CRIP3: variants seen among roughly 807,000 people sequenced by gnomAD.
CRIP3 encodes the protein cysteine rich protein 3.
CRIP3 carries 23 observed loss-of-function variants against 30.3 expected under a neutral mutation model. That is an observed-to-expected ratio of 0.76 (90% CI 0.55 to 1.08). The LOEUF is 1.08. Ranked by LOEUF, CRIP3 falls within the 50% of genes least tolerant of loss-of-function variation. The probability of loss-of-function intolerance (pLI) is 0.00; values close to 1 mark genes in which losing one functional copy is unlikely to be tolerated. For synonymous variants in CRIP3, 89 were observed against 97.6 expected, an observed-to-expected ratio of 0.91 and a Z score of 0.52; for missense variants, 261 against 259.3, an observed-to-expected ratio of 1.01 and a Z score of -0.04.
chr6:43,308,726 C>T, intron 1 of CRIP3, 24 bp downstream of exon 1: 1 of 1,613,896 alleles, frequency 6.2e-7, no homozygotes, highest in African/African-American at 1.3e-5. Flanking sequence ...CCCATCTTCT[C>T]CCCCTCCGCA....
intron 1 of CRIP3, 40 bp downstream of exon 1, chr6:43,308,710 A>C (rs1401455035): frequency 1.2e-6 from 2 of 1,613,078 alleles, no homozygotes; most frequent in Non-Finnish European, 1.7e-6. Flanking sequence ...AGCGGCTCCC[A>C]TTCGCCCCAT....
At position 43,308,716 on chromosome 6, in the gene CRIP3, C is replaced by T. The variant is rs1363719172; in HGVS notation, c.43+34G>A. 2.5e-6 allele frequency: 4 copies of T among 1,613,718 alleles called. No homozygotes were observed. In the South Asian group the frequency reaches 4.4e-5, roughly 18 times the overall value. On this transcript the variant is annotated intron_variant, in intron 1 of 7. Transcript: ENST00000372569. ...AGGGAATCCAGCGGCTCCCATTCGC[C>T]CCATCTTCTCCCCCTCCGCAGCCCG...
At chr6:43,308,670 T>TG in intron 1 of CRIP3, 80 bp downstream of exon 1, 1 of 1,555,660 alleles carries the variant, frequency 6.4e-7, no homozygotes, top group Non-Finnish European at 8.9e-7. Context: ...GACTACACTG[T>TG]GGCTAGCCCT....
chr6:43,307,994 T>G, intron 2 of CRIP3, 98 bp from the exon 3 acceptor site: 2 of 1,294,890 alleles, frequency 1.5e-6, no homozygotes, highest in Non-Finnish European at 2.2e-6. Flanking sequence ...GTCTGTCCAC[T>G]GGCTGAGTCT....
rs752870235 is a variant in CRIP3 at position 43,306,208 on chromosome 6, G to A, written c.495+11C>T. On this transcript the variant is annotated intron_variant, in intron 6 of 7. Transcript: ENST00000372569. ...CCTCCCAACATAACCACTCATTCCT[G>A]CCCTGCTCACCTCAGCATGACTCCC... 1.9e-6 allele frequency: 3 copies of A among 1,614,070 alleles called. No homozygotes were observed. Among genetic ancestry groups the A allele is most frequent in the Non-Finnish European group, 8.5e-7 (1 of 1,179,982 alleles).
At position 43,308,578 on chromosome 6, in the gene CRIP3, G is replaced by A. The variant is rs959582750; in HGVS notation, c.44-169C>T. ...GCTCCGGTTTCACACTCCCCACAGA[G>A]CTCTCAGAGGAAGGGAGAAGACCCG... On this transcript the variant is annotated intron_variant, in intron 1 of 7. Coordinates refer to ENST00000372569, the MANE Select transcript of CRIP3 (RefSeq NM_206922.3). The A allele has an allele frequency of 7.5e-6, 7 of 929,658 alleles. No homozygotes were observed. In the Admixed American group the frequency reaches 1.3e-4, roughly 17 times the overall value. 57.6% of individuals were successfully genotyped at this position (929,658 alleles called of 1,614,324 possible).
At position 43,306,133 on chromosome 6, in the gene CRIP3, CAGAG is replaced by C. The variant is rs774491969; in HGVS notation, c.496-13_496-10del. 2 of 1,614,074 alleles carry C rather than the reference CAGAG, an allele frequency of 1.2e-6. No individual in the cohort carries two copies. The highest frequency in any genetic ancestry group is 2.7e-5 in the African/African-American group (2 of 75,008). On this transcript the variant is annotated splice_polypyrimidine_tract_variant and intron_variant, in intron 6 of 7. Coordinates refer to ENST00000372569, the MANE Select transcript of CRIP3 (RefSeq NM_206922.3). ...TAGGGGACTCCATCATGCTGAGACACAGAGAGAAAGAGAGCTGTCTCAGCCTGGT... is the reference window on the plus strand; with the variant it reads ...TAGGGGACTCCATCATGCTGAGACACAGAAAGAGAGCTGTCTCAGCCTGGT...
At chr6:43,305,963 T>C in intron 7 of CRIP3, 88 bp from the exon 8 acceptor site, 1 of 1,610,508 alleles carries the variant, frequency 6.2e-7, no homozygotes, top group South Asian at 1.1e-5. Flanking sequence ...GGCCAGGGTA[T>C]GCTTAACCAC....
chr6:43,308,479 C>T, intron 1 of CRIP3, 70 bp from the exon 2 acceptor site: 2 of 1,393,694 alleles, frequency 1.4e-6, no homozygotes, highest in Non-Finnish European at 2.0e-6. Context: ...TTTCCCTCTT[C>T]GGCCCTCTAG....
rs550806813 is a variant in CRIP3 at position 43,308,811 on chromosome 6, G to T, written c.-19C>A. The T allele has an allele frequency of 6.2e-7, 1 of 1,613,778 alleles. No homozygotes were observed. Among genetic ancestry groups the T allele is most frequent in the South Asian group, 1.1e-5 (1 of 91,072 alleles). ...AGCTCATAGCTCCGCTCCAGGCAGCGCACGCGGCACACAGTAGGTACGCCG... is the reference window on the plus strand; with the variant it reads ...AGCTCATAGCTCCGCTCCAGGCAGCTCACGCGGCACACAGTAGGTACGCCG... On this transcript the variant is annotated 5_prime_UTR_variant, in exon 1 of 8. Transcript: ENST00000372569.
Position 43,307,683 on chromosome 6 carries a change from C to T in CRIP3, c.257G>A (p.Cys86Tyr), listed in dbSNP as rs1778975087. 2 of 1,524,518 alleles carry T rather than the reference C, an allele frequency of 1.3e-6. No homozygotes were observed. The highest frequency in any genetic ancestry group is 1.8e-6 in the Non-Finnish European group (2 of 1,132,582). The allele number at this position is 1,524,518 out of a possible 1,614,324, so 94.4% of individuals were successfully genotyped here. ...LYNPPTPSPG[C>Y]TTPLSPSSFS... ...GCTGCTGGGGCTGAGAGGAGTGGTG[C>T]AGCCAGGGCTGGGAGTGGGGGGATT... Residue 86 changes from cysteine to tyrosine, a missense_variant, in exon 4 of 8, where the codon TGC becomes TAC. Coordinates refer to ENST00000372569, the MANE Select transcript of CRIP3 (RefSeq NM_206922.3).
chr6:43,308,187 G>C, intron 2 of CRIP3, 128 bp downstream of exon 2: 1 of 822,440 alleles, frequency 1.2e-6, no homozygotes. Context: ...GGTCCACCAG[G>C]TGGGCGGCCT....
chr6:43,308,270 G>A (rs914201722), intron 2 of CRIP3, 45 bp downstream of exon 2: 14 of 1,485,374 alleles, frequency 9.4e-6, no homozygotes, highest in Non-Finnish European at 1.3e-5. Context: ...TGGGGGGTGG[G>A]AGGCAGTGAT....
In CRIP3 at chr6:43,307,282, G is replaced by A. The variant is rs1778960636; in HGVS notation, c.328+330C>T. 1.8e-5 allele frequency: 3 copies of A among 162,822 alleles called. No individual in the cohort carries two copies. In the Admixed American group the frequency reaches 1.9e-4, roughly 10 times the overall value. 10.1% of individuals were successfully genotyped at this position (162,822 alleles called of 1,614,324 possible). A position where few individuals can be genotyped will look rare whatever the true frequency, so the allele number is the denominator to read the frequency against. On this transcript the variant is annotated intron_variant, in intron 4 of 7. Transcript: ENST00000372569. ...AGCCTCCCAAGTAGCTGGGATTACA[G>A]GCATGAGCCACCACACCTGGCTAAT...
Position 43,308,338 on chromosome 6 carries a change from G to C in CRIP3, c.115C>G (p.Leu39Val), listed in dbSNP as rs763545380. The change falls in exon 2 of 8, where the codon CTG becomes GTG. Residue 39 changes from leucine to valine, a missense_variant. Coordinates refer to ENST00000372569, the MANE Select transcript of CRIP3 (RefSeq NM_206922.3). Reference protein sequence around the residue: ...CLKCERCHSILSPGGHAEHNG... With the variant: ...CLKCERCHSIVSPGGHAEHNG... ...ACCTCTGCATGCCCGCCAGGGGACAGGATGCTGTGGCAGCGCTCACATTTC... is the reference window on the plus strand; with the variant it reads ...ACCTCTGCATGCCCGCCAGGGGACACGATGCTGTGGCAGCGCTCACATTTC... 3 of 1,612,896 alleles carry C rather than the reference G, an allele frequency of 1.9e-6. No individual in the cohort carries two copies. In the Admixed American group the frequency reaches 5.0e-5, roughly 27 times the overall value.
In CRIP3 at chr6:43,308,624, A is replaced by G. The variant is rs974774502; in HGVS notation, c.43+126T>C. ...ACCCGAGTGGGAGCGGGTGGTGCGG[A>G]GACTACCAGCCGCTGCAGGTGAAAA... On this transcript the variant is annotated intron_variant, in intron 1 of 7. Coordinates refer to ENST00000372569, the MANE Select transcript of CRIP3 (RefSeq NM_206922.3). 57 of 1,207,388 alleles carry G rather than the reference A, an allele frequency of 4.7e-5. 1 individual carries two copies. In the Middle Eastern group the frequency reaches 2.3e-3, roughly 48 times the overall value. The allele number at this position is 1,207,388 out of a possible 1,614,324, so 74.8% of individuals were successfully genotyped here. A position where few individuals can be genotyped will look rare whatever the true frequency, so the allele number is the denominator to read the frequency against.
chr6:43,306,571 C>T, intron 4 of CRIP3, 54 bp from the exon 5 acceptor site: 2 of 1,412,350 alleles, frequency 1.4e-6, no homozygotes, highest in Non-Finnish European at 1.9e-6. Context: ...CCCACCAGCA[C>T]CTGCCTGCAT....
chr6:43,305,806 T>A lies in CRIP3; in HGVS notation c.*8A>T. On this transcript the variant is annotated 3_prime_UTR_variant, in exon 8 of 8. Coordinates refer to ENST00000372569, the MANE Select transcript of CRIP3 (RefSeq NM_206922.3). ...GCCTGAGTTAGGGTGACCTTTTTTG[T>A]GAGCGTCTCATTTGAATTTTATCTT... 1 of 1,614,154 alleles carries A rather than the reference T, an allele frequency of 6.2e-7. No homozygotes were observed. Among genetic ancestry groups the A allele is most frequent in the Non-Finnish European group, 8.5e-7 (1 of 1,180,026 alleles).
chr6:43,306,352 G>A (rs1350573872), intron 5 of CRIP3, 39 bp from the exon 6 acceptor site: 11 of 1,610,252 alleles, frequency 6.8e-6, no homozygotes, highest in Non-Finnish European at 9.3e-6. Context: ...CCATTCTAGG[G>A]GTAGAGTAGG....
Sources: allele counts gnomAD v4.1 joint callset, GRCh38; gene constraint gnomAD v4.1.1; transcripts MANE v1.5; gene names NCBI Gene and HGNC (gene_info 2026-07-23, HGNC 2026-07-21).